Variants in PPM1M observed in about 807,000 individuals in gnomAD.
The protein encoded by PPM1M is protein phosphatase 1M.
A neutral mutation model predicts 50.8 loss-of-function variants in PPM1M; 44 were observed. The ratio of observed to expected loss-of-function variants is 0.87; its 90% CI spans 0.68 to 1.11. The LOEUF (loss-of-function observed/expected upper bound fraction) is 1.11, where lower values mean the gene tolerates loss of function less well. Ranked by LOEUF, PPM1M falls within the 50% of genes most tolerant of loss-of-function variation. The pLI is 0.00. For missense variants in PPM1M, 556 were observed against 593.4 expected (o/e 0.94, Z 0.66); for synonymous variants, 224 against 242.9 (o/e 0.92, Z 0.72).
chr3:52,246,020 A>G lies in PPM1M; in HGVS notation c.196A>G (p.Thr66Ala). The change falls in exon 1 of 10, where the codon ACG becomes GCG. Residue 66 changes from threonine (T) to alanine (A), a missense_variant. By Grantham distance (58) the Thr-to-Ala change is moderately conservative. Transcript: ENST00000323588. ...RPVRSPARGR[T>A]LPWNAGYAEI... ...CGTGCGCAGCCCCGCACGAGGACGC[A>G]CGCTACCCTGGAATGCAGGCTACGC... 1 of 1,225,124 alleles carries G rather than the reference A, an allele frequency of 8.2e-7. No homozygotes were observed. 75.9% of individuals were successfully genotyped at this position (1,225,124 alleles called of 1,614,324 possible).
At position 52,250,114 on chromosome 3, in the gene PPM1M, A is replaced by ACAG; in HGVS notation, c.*302_*304dup. ...TGAGGCTCCTCAGACAGGATCTTGA[A>ACAG]CAGCCCAAAGTATCATTCTCAGATA... On this transcript the variant is annotated 3_prime_UTR_variant, in exon 10 of 10. Transcript: ENST00000323588. The ACAG allele has an allele frequency of 2.9e-6, 1 of 341,322 alleles. No homozygotes were observed. The allele number at this position is 341,322 out of a possible 1,614,324, so 21.1% of individuals were successfully genotyped here. A position where few individuals can be genotyped will look rare whatever the true frequency, so the allele number is the denominator to read the frequency against.
At chr3:52,248,512 A>G (rs1182014221) in intron 6 of PPM1M, 59 bp downstream of exon 6, 1 of 1,589,334 alleles carries the variant, frequency 6.3e-7, no homozygotes. Context: ...GCCCAGCCGT[A>G]TGGCCTGGGG....
intron 3 of PPM1M, 182 bp from the exon 4 acceptor site, chr3:52,247,500 T>G: frequency 6.1e-6 from 4 of 654,692 alleles, no homozygotes; most frequent in East Asian, 5.5e-5. Flanking sequence ...CTTCCTATTT[T>G]GAGTAGCACT....
At chr3:52,249,491 C>T (rs1699925385) in intron 9 of PPM1M, 169 bp downstream of exon 9, 1 of 1,266,922 alleles carries the variant, frequency 7.9e-7, no homozygotes, top group Non-Finnish European at 1.1e-6. Context: ...CCGAAAATCC[C>T]TGGATTTAGA....
Position 52,246,811 on chromosome 3 carries a change from A to G in PPM1M, c.341A>G (p.Glu114Gly). Residue 114 changes from glutamate to glycine, a missense_variant and splice_region_variant, in exon 2 of 10, where the codon GAG (glutamate) becomes GGG (glycine). Transcript: ENST00000323588. ...GAGTGGCTGACCCTGTGCCCAGAGG[A>G]GGTGAGTGCAGTCTGAGTTCTTGGC... ...EEEWLTLCPEEFLTGHYWALF... is the reference protein window; with the variant it reads ...EEEWLTLCPEGFLTGHYWALF... The G allele has an allele frequency of 1.4e-6, 2 of 1,417,426 alleles. No homozygotes were observed. The allele number at this position is 1,417,426 out of a possible 1,614,324, so 87.8% of individuals were successfully genotyped here.
chr3:52,248,758 T>C (rs1370620909), intron 7 of PPM1M, 58 bp downstream of exon 7: 26 of 1,544,216 alleles, frequency 1.7e-5, no homozygotes, highest in Non-Finnish European at 2.0e-5. Flanking sequence ...CCTGCAGAGG[T>C]GGGAGCTCCT....
chr3:52,249,960 CAA>C lies in PPM1M; in HGVS notation c.*147_*148del. On this transcript the variant is annotated 3_prime_UTR_variant, in exon 10 of 10. Transcript: ENST00000323588. Reference sequence around the variant, plus strand: ...TATCCACCTCAACACACATCCATCTCAAGAGGAACATTTATACCAGGCAGTCA... The same window carrying C: ...TATCCACCTCAACACACATCCATCTCGAGGAACATTTATACCAGGCAGTCA... The C allele has an allele frequency of 1.4e-6, 1 of 695,176 alleles. No homozygotes were observed. Among genetic ancestry groups the C allele is most frequent in the Admixed American group, 2.4e-5 (1 of 41,152 alleles). The allele number at this position is 695,176 out of a possible 1,614,324, so 43.1% of individuals were successfully genotyped here. A position where few individuals can be genotyped will look rare whatever the true frequency, so the allele number is the denominator to read the frequency against.
In PPM1M at chr3:52,250,424, G is replaced by A. The variant is rs1699943995; in HGVS notation, c.*610G>A. The A allele has an allele frequency of 6.5e-6, 1 of 153,502 alleles. No individual in the cohort carries two copies. Among genetic ancestry groups the A allele is most frequent in the Non-Finnish European group, 1.5e-5 (1 of 68,874 alleles). The allele number at this position is 153,502 out of a possible 1,614,324, so 9.5% of individuals were successfully genotyped here. On this transcript the variant is annotated 3_prime_UTR_variant, in exon 10 of 10. Coordinates refer to ENST00000323588, the MANE Select transcript of PPM1M (RefSeq NM_144641.4). Reference sequence around the variant, plus strand: ...GTTTGGGGTAGAGCACAAGGGACAAGAGGAACTCTTGGAGTTGGCTGGGTG... The same window carrying A: ...GTTTGGGGTAGAGCACAAGGGACAAAAGGAACTCTTGGAGTTGGCTGGGTG...
At position 52,249,999 on chromosome 3, in the gene PPM1M, G is replaced by C. The variant is rs1699936865; in HGVS notation, c.*185G>C. Reference sequence around the variant, plus strand: ...ATACCAGGCAGTCAGAGCTGGAAGTGTATGGAGAGCCCAGCCCACCAGGTC... The same window carrying C: ...ATACCAGGCAGTCAGAGCTGGAAGTCTATGGAGAGCCCAGCCCACCAGGTC... On this transcript the variant is annotated 3_prime_UTR_variant, in exon 10 of 10. Transcript: ENST00000323588. 5.0e-6 allele frequency: 3 copies of C among 596,222 alleles called. No homozygotes were observed. Among genetic ancestry groups the C allele is most frequent in the Middle Eastern group, 9.2e-4 (2 of 2,184 alleles). 36.9% of individuals were successfully genotyped at this position (596,222 alleles called of 1,614,324 possible). A position where few individuals can be genotyped will look rare whatever the true frequency, so the allele number is the denominator to read the frequency against.
rs899959589 is a variant in PPM1M at position 52,249,414 on chromosome 3, G to T, written c.1235+92G>T. On this transcript the variant is annotated intron_variant, in intron 9 of 9. Coordinates refer to ENST00000323588, the MANE Select transcript of PPM1M (RefSeq NM_144641.4). The stretch of plus-strand genomic sequence containing the variant: ...GCTGAGAAGACAGAGCACTGACAAT[G>T]AGCTGGCAGCTGGCCAGGATCAGGG... 1.1e-5 allele frequency: 16 copies of T among 1,490,148 alleles called. No individual in the cohort carries two copies. The Admixed American group carries it at 2.8e-4, about 26-fold the overall frequency. The allele number at this position is 1,490,148 out of a possible 1,614,324, so 92.3% of individuals were successfully genotyped here. A position where few individuals can be genotyped will look rare whatever the true frequency, so the allele number is the denominator to read the frequency against.
In PPM1M at chr3:52,248,640, C is replaced by T. The variant is rs780718617; in HGVS notation, c.918C>T (p.Ser306=). ...ATGCTGGCTCTGCTCCTGGTAGGAGCTACAAACGTGTGGAGAAATCGGATC... is the reference window on the plus strand; with the variant it reads ...ATGCTGGCTCTGCTCCTGGTAGGAGTTACAAACGTGTGGAGAAATCGGATC... ...LFRDHHMSGW[S]YKRVEKSDLK... is the part of the protein sequence containing the mutation. The change falls in exon 7 of 10, where the codon AGC becomes AGT. Residue 306 remains serine (S), a synonymous_variant. Coordinates refer to ENST00000323588, the MANE Select transcript of PPM1M (RefSeq NM_144641.4). 2 of 1,613,774 alleles carry T rather than the reference C, an allele frequency of 1.2e-6. No individual in the cohort carries two copies. Among genetic ancestry groups the T allele is most frequent in the African/African-American group, 1.3e-5 (1 of 74,912 alleles).
chr3:52,249,788 CAG>C lies in PPM1M; in HGVS notation c.1355_1356del (p.Gln452ArgfsTer6). On this transcript the variant is annotated frameshift_variant, in exon 10 of 10. Coordinates refer to ENST00000323588, the MANE Select transcript of PPM1M (RefSeq NM_144641.4). LOFTEE classifies it high-confidence loss of function. ...VSVFVIPLHS[Q>X]GQESSDH ...TGTGTTCGTGATTCCCTTGCACAGT[CAG>C]GGCCAAGAGAGCAGTGACCACTGAG... 6.2e-7 allele frequency: 1 copy of C among 1,613,732 alleles called. No individual in the cohort carries two copies. Among genetic ancestry groups the C allele is most frequent in the African/African-American group, 1.3e-5 (1 of 75,052 alleles).
Position 52,245,774 on chromosome 3 carries a change from G to T in PPM1M, c.-51G>T. On this transcript the variant is annotated 5_prime_UTR_variant, in exon 1 of 10. Coordinates refer to ENST00000323588, the MANE Select transcript of PPM1M (RefSeq NM_144641.4). The surrounding 1 kb of genome is among the most constrained non-coding windows in gnomAD (Gnocchi z 4.8). The stretch of plus-strand genomic sequence containing the variant: ...CGGCCCGCTTCTTCCTCCCGCGGGC[G>T]GCCCAGCCCTAGCGCCCCGCGCTCC... 1.1e-6 allele frequency: 1 copy of T among 903,170 alleles called. No individual in the cohort carries two copies. The highest frequency in any genetic ancestry group is 1.3e-6 in the Non-Finnish European group (1 of 756,384). The allele number at this position is 903,170 out of a possible 1,614,324, so 55.9% of individuals were successfully genotyped here.
Position 52,245,774 on chromosome 3 carries a change from G to A in PPM1M, c.-51G>A. The A allele has an allele frequency of 1.1e-6, 1 of 903,168 alleles. No individual in the cohort carries two copies. Among genetic ancestry groups the A allele is most frequent in the African/African-American group, 1.8e-5 (1 of 55,392 alleles). The allele number at this position is 903,168 out of a possible 1,614,324, so 55.9% of individuals were successfully genotyped here. ...CGGCCCGCTTCTTCCTCCCGCGGGC[G>A]GCCCAGCCCTAGCGCCCCGCGCTCC... On this transcript the variant is annotated 5_prime_UTR_variant, in exon 1 of 10. Transcript: ENST00000323588. The surrounding 1 kb of genome is among the most constrained non-coding windows in gnomAD (Gnocchi z 4.8).
Position 52,247,836 on chromosome 3 carries a change from G to T in PPM1M, c.710+42G>T, listed in dbSNP as rs772974767. ...AGGGTGGGCAAGGGTGGGATGGGGA[G>T]GGCATAAGCAGCAATGGGGACAAGC... On this transcript the variant is annotated intron_variant, in intron 4 of 9. Coordinates refer to ENST00000323588, the MANE Select transcript of PPM1M (RefSeq NM_144641.4). 1.6e-5 allele frequency: 18 copies of T among 1,099,172 alleles called. No individual in the cohort carries two copies. The African/African-American group carries it at 2.5e-4, about 15-fold the overall frequency. 68.1% of individuals were successfully genotyped at this position (1,099,172 alleles called of 1,614,324 possible).
chr3:52,247,230 T>A lies in PPM1M; in HGVS notation c.597+2T>A, dbSNP rs1289588278. 1.2e-6 allele frequency: 2 copies of A among 1,609,176 alleles called. No homozygotes were observed. Among genetic ancestry groups the A allele is most frequent in the African/African-American group, 2.7e-5 (2 of 74,834 alleles). ...TTGGAGAGTGCCTTTCAGGAATGTG[T>A]GAGTGTGTGGCTTTTGGCTGGGGAA... On this transcript the variant is annotated splice_donor_variant, in intron 3 of 9. Coordinates refer to ENST00000323588, the MANE Select transcript of PPM1M (RefSeq NM_144641.4). LOFTEE classifies it high-confidence loss of function.
At position 52,248,067 on chromosome 3, in the gene PPM1M, T is replaced by C; in HGVS notation, c.711-86T>C. On this transcript the variant is annotated intron_variant, in intron 4 of 9. Transcript: ENST00000323588. ...CATCATGGACAGAGCTGGATCCTGG[T>C]GGTTGGAGGAGGGACTGGTAGGAGG... is the stretch of plus-strand genomic sequence containing the variant. 14 of 1,133,758 alleles carry C rather than the reference T, an allele frequency of 1.2e-5. 1 individual carries two copies. The South Asian group carries it at 1.9e-4, about 15-fold the overall frequency. The allele number at this position is 1,133,758 out of a possible 1,614,324, so 70.2% of individuals were successfully genotyped here.
At position 52,249,266 on chromosome 3, in the gene PPM1M, G is replaced by A. The variant is rs763580136; in HGVS notation, c.1179G>A (p.Glu393=). ...TDGLWDVLSN[E]QVAWLVRSFL... ...GACTCTGGGATGTACTGTCCAACGA[G>A]CAGGTGGCATGGCTGGTGCGGAGCT... The change falls in exon 9 of 10, where the codon GAG becomes GAA. Residue 393 remains glutamate, a synonymous_variant. Coordinates refer to ENST00000323588, the MANE Select transcript of PPM1M (RefSeq NM_144641.4). The A allele has an allele frequency of 6.2e-7, 1 of 1,613,710 alleles. No homozygotes were observed. The highest frequency in any genetic ancestry group is 1.1e-5 in the South Asian group (1 of 90,968).
At position 52,245,872 on chromosome 3, in the gene PPM1M, C is replaced by G; in HGVS notation, c.48C>G (p.Leu16=). Residue 16 remains leucine, a synonymous_variant, in exon 1 of 10, where the codon CTC becomes CTG. Transcript: ENST00000323588. The surrounding 1 kb of genome is among the most constrained non-coding windows in gnomAD (Gnocchi z 4.8). ...FRRRFLPGEP[L]PAPRPPGPHA... ...GCCGCTTCCTGCCTGGGGAGCCGCT[C>G]CCCGCGCCGCGGCCGCCTGGGCCGC... 1 of 1,097,420 alleles carries G rather than the reference C, an allele frequency of 9.1e-7. No homozygotes were observed. The allele number at this position is 1,097,420 out of a possible 1,614,324, so 68.0% of individuals were successfully genotyped here.
Sources: allele counts gnomAD v4.1 joint callset, GRCh38; gene constraint gnomAD v4.1.1; non-coding constraint Gnocchi (gnomAD v3.1); transcripts MANE v1.5; gene names NCBI Gene and HGNC (gene_info 2026-07-23, HGNC 2026-07-21).